The following CDH2 variants were observed in gnomAD, a reference collection of about 807,000 sequenced individuals.
CDH2 encodes the protein cadherin 2.
CDH2 carries 17 observed loss-of-function variants against 92.0 expected under a neutral mutation model. The ratio of observed to expected loss-of-function variants is 0.18; its 90% CI spans 0.13 to 0.28. The LOEUF (loss-of-function observed/expected upper bound fraction) is 0.28, where lower values mean the gene tolerates loss of function less well. Ranked by LOEUF, CDH2 falls within the 10% of genes least tolerant of loss-of-function variation. The pLI, the probability that CDH2 is intolerant of heterozygous loss-of-function variation, is 1.00. For missense variants in CDH2, 862 were observed against 1,133.1 expected, an observed-to-expected ratio of 0.76 and a Z score of 3.44; for synonymous variants, 419 against 415.9, an observed-to-expected ratio of 1.01 and a Z score of -0.09.
intron 2 of CDH2, among the ~76,000 whole-genome samples, chr18:28,018,290 G>A (rs774564577): frequency 7.9e-5 from 12 of 151,818 alleles, no homozygotes; most frequent in Admixed American, 6.6e-4. Context: ...AATCGATATC[G>A]TGAAAATGAC....
chr18:28,111,545 T>C (rs1297652244), intron 2 of CDH2, among the ~76,000 whole-genome samples: 1 of 152,188 alleles, frequency 6.6e-6, no homozygotes, highest in Non-Finnish European at 1.5e-5. Flanking sequence ...ATAAATGAAC[T>C]GAGAATCAGA....
intron 5 of CDH2, among the ~76,000 whole-genome samples, chr18:28,006,519 A>C (rs2012923443): frequency 6.6e-6 from 1 of 151,932 alleles, no homozygotes; most frequent in African/African-American, 2.4e-5. Context: ...GGAGTTTGAG[A>C]CCAGCCTGGC....
intron 2 of CDH2, among the ~76,000 whole-genome samples, chr18:28,057,646 G>A (rs2014319506): frequency 6.7e-6 from 1 of 150,336 alleles, no homozygotes; most frequent in Non-Finnish European, 1.5e-5. Flanking sequence ...CAGCCTGGGT[G>A]ACAGGGCAAG....
intron 2 of CDH2, among the ~76,000 whole-genome samples, chr18:28,072,856 A>G (rs2014645654): frequency 6.6e-6 from 1 of 152,240 alleles, no homozygotes; most frequent in Admixed American, 6.5e-5. Context: ...AAAATCTATC[A>G]ATGTTCAAAA....
chr18:27,993,605 A>G lies in CDH2; in HGVS notation c.1053T>C (p.Ala351=). ...ATGTGGGATTGCCTTCCATGTCTGTAGCTTGAATTATTAACGTATACTGTT... is the reference window on the plus strand; with the variant it reads ...ATGTGGGATTGCCTTCCATGTCTGTGGCTTGAATTATTAACGTATACTGTT... The part of the protein sequence containing the change: ...KVQQYTLIIQ[A]TDMEGNPTYG... Residue 351 remains alanine, a synonymous_variant, in exon 8 of 16, where the codon GCT becomes GCC. Coordinates refer to ENST00000269141, the MANE Select transcript of CDH2 (RefSeq NM_001792.5). 1 of 1,613,284 alleles carries G rather than the reference A, an allele frequency of 6.2e-7. No individual in the cohort carries two copies. Among genetic ancestry groups the G allele is most frequent in the South Asian group, 1.1e-5 (1 of 91,060 alleles).
intron 2 of CDH2, among the ~76,000 whole-genome samples, chr18:28,037,675 G>GA (rs35362344): frequency 2.0e-5 from 3 of 151,946 alleles, no homozygotes; most frequent in Middle Eastern, 3.4e-3. Context: ...ATTCATACAA[G>GA]AAAAAAAATC....
At chr18:27,991,189 G>A (rs768445993) in intron 9 of CDH2, among the ~76,000 whole-genome samples, 4 of 152,044 alleles carry the variant, frequency 2.6e-5, no homozygotes, top group Non-Finnish European at 4.4e-5. Flanking sequence ...GTTCACCTGC[G>A]AATGGATGTG....
chr18:27,948,989 A>G (rs762009907), downstream of CDH2, among the ~76,000 whole-genome samples: 2 of 151,966 alleles, frequency 1.3e-5, no homozygotes, highest in Non-Finnish European at 2.9e-5. Context: ...ATTACCAGGA[A>G]TGGCCTAGAA....
chr18:27,988,888 GA>G (rs2012320747), intron 10 of CDH2, among the ~76,000 whole-genome samples: 1 of 152,098 alleles, frequency 6.6e-6, no homozygotes, highest in Non-Finnish European at 1.5e-5. Context: ...ACAGGTGTCT[GA>G]GGGACAAGAC....
intron 2 of CDH2, among the ~76,000 whole-genome samples, chr18:28,046,662 T>C (rs1019844035): frequency 2.0e-5 from 3 of 152,192 alleles, no homozygotes; most frequent in Non-Finnish European, 4.4e-5. Context: ...CTGAATAAAA[T>C]CTATGTAAGT....
intron 15 of CDH2, among the ~76,000 whole-genome samples, chr18:27,959,322 TAAAC>T (rs1205260573): frequency 6.6e-6 from 1 of 152,196 alleles, no homozygotes; most frequent in Non-Finnish European, 1.5e-5. Flanking sequence ...CTTATTTAAA[TAAAC>T]AAACTAGAAA....
chr18:28,035,760 T>C (rs1011003181), intron 2 of CDH2, among the ~76,000 whole-genome samples: 1 of 152,114 alleles, frequency 6.6e-6, no homozygotes, highest in Non-Finnish European at 1.5e-5. Context: ...CATAGCTGCA[T>C]GAGAGTCTCT....
intron 6 of CDH2, among the ~76,000 whole-genome samples, chr18:27,939,290 G>A (rs1440138953): frequency 4.6e-5 from 7 of 152,110 alleles, no homozygotes; most frequent in African/African-American, 1.7e-4. Context: ...GGGTCTTGGT[G>A]TCCTTAAGAG....
intron 2 of CDH2, among the ~76,000 whole-genome samples, chr18:28,051,911 A>G (rs2014199675): frequency 6.6e-6 from 1 of 152,176 alleles, no homozygotes; most frequent in African/African-American, 2.4e-5. Flanking sequence ...CATACCAATC[A>G]TCCAGGTTGG....
At chr18:28,039,026 T>C (rs1250688625) in intron 2 of CDH2, among the ~76,000 whole-genome samples, 1 of 152,190 alleles carries the variant, frequency 6.6e-6, no homozygotes, top group Non-Finnish European at 1.5e-5. Context: ...TTAATGATAA[T>C]TGAAGGATCC....
chr18:27,975,132 T>C (rs1248943320), intron 14 of CDH2, among the ~76,000 whole-genome samples: 1 of 152,096 alleles, frequency 6.6e-6, no homozygotes, highest in African/African-American at 2.4e-5. Flanking sequence ...GCCTAAGGGG[T>C]GCTGGGCCTT....
chr18:27,940,476 A>G (rs1909109782), intron 6 of CDH2, among the ~76,000 whole-genome samples: 1 of 152,174 alleles, frequency 6.6e-6, no homozygotes, highest in South Asian at 2.1e-4. Context: ...ACCTTCCTGG[A>G]TGCCTCTTAT....
chr18:28,012,358 T>C (rs1012433934), intron 3 of CDH2, among the ~76,000 whole-genome samples: 1 of 152,204 alleles, frequency 6.6e-6, no homozygotes, highest in African/African-American at 2.4e-5. Flanking sequence ...TACTGTACAT[T>C]AAATTTAGAT....
chr18:27,952,464 T>G, intron 15 of CDH2, 105 bp from the exon 16 acceptor site: 1 of 847,456 alleles, frequency 1.2e-6, no homozygotes, highest in Non-Finnish European at 1.9e-6. Context: ...AACACTTGTT[T>G]GTAAATTTCC....
Sources: allele counts gnomAD v4.1 joint callset (sites outside exome capture counted in the v4.1 genomes callset), GRCh38; gene constraint gnomAD v4.1.1; transcripts MANE v1.5; gene names NCBI Gene and HGNC (gene_info 2026-07-23, HGNC 2026-07-21).